Variants in MCEE observed in about 807,000 individuals in gnomAD.
The protein encoded by MCEE is methylmalonyl-CoA epimerase, mitochondrial.
MCEE carries 6 observed loss-of-function variants against 12.9 expected under a neutral mutation model. That is an observed-to-expected ratio of 0.47 (90% CI 0.26 to 0.92). The LOEUF (loss-of-function observed/expected upper bound fraction) is 0.92, where lower values mean the gene tolerates loss of function less well. Ranked by LOEUF, MCEE falls within the 40% of genes least tolerant of loss-of-function variation. MCEE has a pLI of 0.16. For missense variants in MCEE, 214 were observed against 212.1 expected, an observed-to-expected ratio of 1.01 and a Z score of -0.05; for synonymous variants, 78 against 77.9, an observed-to-expected ratio of 1.00 and a Z score of -0.01.
intron 2 of MCEE, among the ~76,000 whole-genome samples, chr2:71,121,331 C>G (rs1345766849): frequency 1.3e-5 from 2 of 152,188 alleles, no homozygotes; most frequent in African/African-American, 4.8e-5. Flanking sequence ...ATGCCTGGAG[C>G]AACCTTGTAA....
chr2:71,112,433 C>CTTTT lies in MCEE; in HGVS notation c.379-2315_379-2312dup, dbSNP rs71400979. ...TACAGGCGTGAGCCACTGCACCTGC[C>CTTTT]TTTTTTTTTTTTTTTTTTTTGAGAC... On this transcript the variant is annotated intron_variant, in intron 2 of 2. Transcript: ENST00000244217. Among the ~76,000 whole-genome samples, 152 of 81,184 alleles carry CTTTT rather than the reference C, an allele frequency of 1.9e-3. 14 individuals carry two copies. Among genetic ancestry groups the CTTTT allele is most frequent in the East Asian group, 0.012 (30 of 2,430 alleles). 53.3% of individuals were successfully genotyped at this position (81,184 alleles called of 152,430 possible).
At chr2:71,110,168 A>C (rs1672859471) in intron 2 of MCEE, 46 bp from the exon 3 acceptor site, 4 of 1,556,026 alleles carry the variant, frequency 2.6e-6, no homozygotes, top group Middle Eastern at 1.7e-4. Flanking sequence ...TCATAAAAAT[A>C]CCAACTTATA....
chr2:71,125,336 G>C (rs1206304897), intron 1 of MCEE, among the ~76,000 whole-genome samples: 1 of 150,598 alleles, frequency 6.6e-6, no homozygotes, highest in South Asian at 2.1e-4. Flanking sequence ...AGCCTCCCGA[G>C]TAGCTGGAAT....
chr2:71,125,211 A>ATATATATATATATTTTT, intron 1 of MCEE, among the ~76,000 whole-genome samples: 2 of 48,592 alleles, frequency 4.1e-5, no homozygotes, highest in African/African-American at 6.0e-5. Flanking sequence ...ATATATATAT[A>ATATATATATATATTTTT]TTTTTTTTTT....
intron 2 of MCEE, among the ~76,000 whole-genome samples, chr2:71,111,836 T>C (rs1165222624): frequency 1.3e-5 from 2 of 152,210 alleles, no homozygotes; most frequent in Admixed American, 1.3e-4. Flanking sequence ...TGGGTAATTG[T>C]AGGGCTCATC....
chr2:71,115,980 T>A (rs902925531), intron 2 of MCEE, among the ~76,000 whole-genome samples: 3 of 149,214 alleles, frequency 2.0e-5, no homozygotes, highest in Non-Finnish European at 4.4e-5. Flanking sequence ...AAGGGGGGGG[T>A]TATGGTTTTT....
chr2:71,124,134 T>C (rs780346208), intron 2 of MCEE, 72 bp downstream of exon 2: 436 of 1,167,254 alleles, frequency 3.7e-4, no homozygotes, highest in Non-Finnish European at 5.1e-4. Context: ...TGACCATAAA[T>C]AGACTTAAAA....
At position 71,118,727 on chromosome 2, in the gene MCEE, C is replaced by T. The variant is rs1354075847; in HGVS notation, c.378+5479G>A. On this transcript the variant is annotated intron_variant, in intron 2 of 2. Transcript: ENST00000244217. The stretch of plus-strand genomic sequence containing the variant: ...CCTCAGGAATCATCTCCCTAAGGCC[C>T]CACCTCCTAACACCATCACTTTGGG... Among the ~76,000 whole-genome samples, 2 of 149,884 alleles carry T rather than the reference C, an allele frequency of 1.3e-5. 1 individual carries two copies. Among genetic ancestry groups the T allele is most frequent in the Non-Finnish European group, 2.9e-5 (2 of 67,986 alleles).
intron 2 of MCEE, among the ~76,000 whole-genome samples, chr2:71,119,530 ATTAC>A (rs1211859035): frequency 2.0e-5 from 3 of 146,962 alleles, no homozygotes; most frequent in Non-Finnish European, 4.4e-5. Flanking sequence ...AACTAGCACT[ATTAC>A]TTCTGTTTAT....
rs1435183472 is a variant in MCEE at position 71,118,928 on chromosome 2, ACT to A, written c.378+5276_378+5277del. ...GCACTGGAACTCCCCATGCATGGGC[ACT>A]CAGTCTCTGGCTTCCCCGGGGCAGG... On this transcript the variant is annotated intron_variant, in intron 2 of 2. Transcript: ENST00000244217. Among the ~76,000 whole-genome samples, 4 of 149,244 alleles carry A rather than the reference ACT, an allele frequency of 2.7e-5. No homozygotes were observed. In the East Asian group the frequency reaches 7.8e-4, roughly 29 times the overall value.
At position 71,129,881 on chromosome 2, in the gene MCEE, T is replaced by C. The variant is rs544691507; in HGVS notation, c.40+299A>G. ...CTTCTATTTACTTCTGTCCCTGCCCTGCCTGACCTGCCGGGCAAGTTCCCT... is the reference window on the plus strand; with the variant it reads ...CTTCTATTTACTTCTGTCCCTGCCCCGCCTGACCTGCCGGGCAAGTTCCCT... On this transcript the variant is annotated intron_variant, in intron 1 of 2. Transcript: ENST00000244217. 2.6e-5 allele frequency: 14 copies of C among 542,138 alleles called. No individual in the cohort carries two copies. In the African/African-American group the frequency reaches 2.7e-4, roughly 10 times the overall value. 33.6% of individuals were successfully genotyped at this position (542,138 alleles called of 1,614,324 possible).
intron 1 of MCEE, among the ~76,000 whole-genome samples, chr2:71,126,568 C>CAAAAAAAAAAAAAAAAAAAAAAA (rs70959207): frequency 1.4e-5 from 1 of 72,140 alleles, no homozygotes; most frequent in Non-Finnish European, 2.5e-5. Flanking sequence ...TACATTTTAC[C>CAAAAAAAAAAAAAAAAAAAAAAA]AAAAAAAAAA....
rs1404193822 is a variant in MCEE, at chr2:71,119,158, C to T, written c.378+5048G>A. ...TGTTTTTGGTAAGTAGAAAGAAATA[C>T]AGTCATGTGTCACTTGATGGGTACG... On this transcript the variant is annotated intron_variant, in intron 2 of 2. Transcript: ENST00000244217. 2.0e-5 allele frequency among the ~76,000 whole-genome samples: 3 copies of T among 150,392 alleles called. 1 individual carries two copies. Among genetic ancestry groups the T allele is most frequent in the African/African-American group, 7.5e-5 (3 of 39,748 alleles).
At chr2:71,128,071 T>A (rs777688742) in intron 1 of MCEE, among the ~76,000 whole-genome samples, 26 of 151,368 alleles carry the variant, frequency 1.7e-4, no homozygotes, top group Non-Finnish European at 1.3e-4. Context: ...CATATATATA[T>A]CTTCAACTTG....
At chr2:71,125,202 TA>T (rs1673194099) in intron 1 of MCEE, among the ~76,000 whole-genome samples, 4 of 60,464 alleles carry the variant, frequency 6.6e-5, no homozygotes, top group Admixed American at 5.5e-4. Context: ...TATATATATA[TA>T]TATATATATT....
intron 1 of MCEE, among the ~76,000 whole-genome samples, chr2:71,128,366 C>A (rs144184931): frequency 6.6e-6 from 1 of 152,282 alleles, no homozygotes; most frequent in African/African-American, 2.4e-5. Context: ...TGAGTATACA[C>A]ACCCCCAAAG....
In MCEE at chr2:71,128,539, TTTTTTCTGAGAC is replaced by T. The variant is rs1673288913; in HGVS notation, c.40+1629_40+1640del. ...TCAGTCTTAAAAAGCAATTTTTTTT[TTTTTTCTGAGAC>T]GGAGTTTCGCTTTGGTTGCCCAGGC... On this transcript the variant is annotated intron_variant, in intron 1 of 2. Coordinates refer to ENST00000244217, the MANE Select transcript of MCEE (RefSeq NM_032601.4). Among the ~76,000 whole-genome samples the T allele has an allele frequency of 2.6e-5, 4 of 151,912 alleles. No homozygotes were observed. In the South Asian group the frequency reaches 8.3e-4, roughly 32 times the overall value.
At chr2:71,114,410 G>A (rs1672951627) in intron 2 of MCEE, among the ~76,000 whole-genome samples, 2 of 152,138 alleles carry the variant, frequency 1.3e-5, no homozygotes, top group Admixed American at 1.3e-4. Context: ...AAGGGACACT[G>A]GGTAAGAACT....
At chr2:71,121,691 G>C (rs1441161735) in intron 2 of MCEE, among the ~76,000 whole-genome samples, 1 of 149,256 alleles carries the variant, frequency 6.7e-6, no homozygotes, top group African/African-American at 2.4e-5. Context: ...TGCAGTGTGG[G>C]AGAGGGGGGA....
Sources: gnomAD v4.1 joint callset for allele counts (sites outside exome capture counted in the v4.1 genomes callset) on GRCh38, gnomAD v4.1.1 for gene constraint, MANE v1.5 for transcripts, NCBI Gene and HGNC (gene_info 2026-07-23, HGNC 2026-07-21) for gene names.